Variants in RMDN1 observed in about 807,000 individuals in gnomAD.
The protein encoded by RMDN1 is regulator of microtubule dynamics protein 1.
RMDN1 carries 48 observed loss-of-function variants against 48.9 expected under a neutral mutation model. That is an observed-to-expected ratio of 0.98 (90% CI 0.78 to 1.25). The LOEUF (loss-of-function observed/expected upper bound fraction) is 1.25. RMDN1 is among the 50% of genes most tolerant of loss of function. The pLI, the probability that RMDN1 is intolerant of heterozygous loss-of-function variation, is 0.00. For synonymous variants in RMDN1, 148 were observed against 132.6 expected, an observed-to-expected ratio of 1.12 and a Z score of -0.80; for missense variants, 418 against 373.4, an observed-to-expected ratio of 1.12 and a Z score of -0.98.
intron 9 of RMDN1, 152 bp from the exon 10 acceptor site, chr8:86,474,510 T>G: frequency 1.4e-6 from 1 of 698,212 alleles, no homozygotes; most frequent in Non-Finnish European, 2.5e-6. Context: ...CAGATGAGAC[T>G]CTCAGCTCTT....
chr8:86,486,415 A>G lies in RMDN1; in HGVS notation c.495+69T>C. ...AGAAATTGTTCTTCCAATGTAAATC[A>G]GAGATAATAGAAAAATATAGAAAAT... is the stretch of plus-strand genomic sequence containing the variant. On this transcript the variant is annotated intron_variant, in intron 4 of 9. Transcript: ENST00000406452. 5 of 1,118,228 alleles carry G rather than the reference A, an allele frequency of 4.5e-6. No homozygotes were observed. The Admixed American group carries it at 1.5e-4, about 34-fold the overall frequency. 69.3% of individuals were successfully genotyped at this position (1,118,228 alleles called of 1,614,324 possible).
upstream of RMDN1, among the ~76,000 whole-genome samples, chr8:86,510,565 C>T (rs918301377): frequency 2.0e-5 from 3 of 152,144 alleles, no homozygotes; most frequent in African/African-American, 7.2e-5. Context: ...TCCTTCAGCC[C>T]GTCAGGCCAT....
At chr8:86,488,115 G>A (rs561111291) in intron 3 of RMDN1, among the ~76,000 whole-genome samples, 173 of 152,216 alleles carry the variant, frequency 1.1e-3, no homozygotes, top group Admixed American at 3.5e-3. Flanking sequence ...TGGTTTCTCT[G>A]AAAGACTATC....
intron 2 of RMDN1, among the ~76,000 whole-genome samples, chr8:86,503,263 A>AATGGCTAGAACCTGGAAGGC (rs1818584325): frequency 6.6e-6 from 1 of 151,896 alleles, no homozygotes; most frequent in Non-Finnish European, 1.5e-5. Flanking sequence ...GAGGCAGGAG[A>AATGGCTAGAACCTGGAAGGC]ATGGCTAGAA....
chr8:86,508,866 G>T, upstream of RMDN1: 2 of 1,139,116 alleles, frequency 1.8e-6, no homozygotes, highest in South Asian at 3.8e-5. Context: ...GACTGAGGCC[G>T]TGAGAGCGCT....
rs71574272 is a variant in RMDN1, at chr8:86,492,651, TTAATAATAA to T, written c.248-4021_248-4013del. The stretch of plus-strand genomic sequence containing the variant: ...CTGGGGTACAGAGCAAGACTCCGCC[TTAATAATAA>T]TAATAATAATAATAATAATAATAAT... On this transcript the variant is annotated intron_variant, in intron 2 of 9. Coordinates refer to ENST00000406452, the MANE Select transcript of RMDN1 (RefSeq NM_016033.3). Among the ~76,000 whole-genome samples the T allele has an allele frequency of 6.7e-3, 967 of 144,256 alleles. 2 individuals carry two copies. Among genetic ancestry groups the T allele is most frequent in the African/African-American group, 0.011 (440 of 38,604 alleles). The allele number at this position is 144,256 out of a possible 152,430, so 94.6% of individuals were successfully genotyped here. A position where few individuals can be genotyped will look rare whatever the true frequency, so the allele number is the denominator to read the frequency against.
At chr8:86,508,468 C>T in intron 1 of RMDN1, 24 bp downstream of exon 1, 1 of 1,536,852 alleles carries the variant, frequency 6.5e-7, no homozygotes, top group Admixed American at 2.0e-5. Flanking sequence ...AAGTGAGGAG[C>T]GGGAGCCAGG....
intron 3 of RMDN1, among the ~76,000 whole-genome samples, chr8:86,487,374 C>A (rs769953017): frequency 1.3e-5 from 2 of 152,132 alleles, no homozygotes; most frequent in African/African-American, 4.8e-5. Flanking sequence ...GAGGCCAAGG[C>A]GGGCAGATCA....
upstream of RMDN1, among the ~76,000 whole-genome samples, chr8:86,510,470 A>G (rs956918504): frequency 6.6e-6 from 1 of 152,022 alleles, no homozygotes; most frequent in Non-Finnish European, 1.5e-5. Context: ...CTTTCACGAC[A>G]TTAGTATTTT....
chr8:86,500,805 A>G (rs13249177), intron 2 of RMDN1, among the ~76,000 whole-genome samples: 40,250 of 152,118 alleles, frequency 0.26, 6,214 homozygotes, highest in East Asian at 0.53. Context: ...ATGCCCATCA[A>G]TGGTGAACTG....
chr8:86,508,693 A>T, upstream of RMDN1: 1 of 1,403,710 alleles, frequency 7.1e-7, no homozygotes, highest in Non-Finnish European at 9.2e-7. Flanking sequence ...AAGGAGATTC[A>T]ATCCTTCCGG....
chr8:86,503,981 C>T (rs1818847466), intron 2 of RMDN1: 2 of 772,282 alleles, frequency 2.6e-6, no homozygotes, highest in Non-Finnish European at 4.8e-6. Context: ...GGACTGTGCA[C>T]AGGTTTTATG....
chr8:86,482,806 A>C, intron 5 of RMDN1: 1 of 978,776 alleles, frequency 1.0e-6, no homozygotes, highest in Non-Finnish European at 1.7e-6. Context: ...AGAACCCAAA[A>C]TGGAGACGGA....
chr8:86,471,281 AAAAC>A (rs1009208243), downstream of RMDN1, among the ~76,000 whole-genome samples: 1 of 152,072 alleles, frequency 6.6e-6, no homozygotes, highest in South Asian at 2.1e-4. Context: ...GATCTCACAA[AAAAC>A]AAACAACTAA....
chr8:86,511,030 T>C (rs1820025164), upstream of RMDN1, among the ~76,000 whole-genome samples: 1 of 152,120 alleles, frequency 6.6e-6, no homozygotes, highest in Non-Finnish European at 1.5e-5. Flanking sequence ...CTGCATGTAG[T>C]GGTGCATGCT....
chr8:86,499,452 G>A lies in RMDN1; in HGVS notation c.247+7543C>T, dbSNP rs1042140253. On this transcript the variant is annotated intron_variant, in intron 2 of 9. Transcript: ENST00000406452. ...CCAAGCTGAGAGCCAAATAAAAAACGCAACCCCATTCATAAGAGCCACAAA... is the reference window on the plus strand; with the variant it reads ...CCAAGCTGAGAGCCAAATAAAAAACACAACCCCATTCATAAGAGCCACAAA... Among the ~76,000 whole-genome samples, 8 of 152,032 alleles carry A rather than the reference G, an allele frequency of 5.3e-5. No individual in the cohort carries two copies. In the South Asian group the frequency reaches 6.2e-4, roughly 12 times the overall value.
At chr8:86,492,039 A>G (rs1231637881) in intron 2 of RMDN1, among the ~76,000 whole-genome samples, 1 of 152,208 alleles carries the variant, frequency 6.6e-6, no homozygotes, top group Non-Finnish European at 1.5e-5. Context: ...GCAACAGTGC[A>G]ACCAAAAATG....
At chr8:86,477,428 G>A (rs1371350776) in intron 7 of RMDN1, 104 bp from the exon 8 acceptor site, 3 of 893,608 alleles carry the variant, frequency 3.4e-6, no homozygotes, top group African/African-American at 1.7e-5. Flanking sequence ...ATTTAAGTCA[G>A]GAAGTAAATC....
Position 86,484,317 on chromosome 8 carries a change from A to AGT in RMDN1, c.585+553_585+554dup, listed in dbSNP as rs200966735. Reference sequence around the variant, plus strand: ...GGTAAGAGGCCATCTTGGACACTGTAGTCTCAGCTGAGGGCCCAGGTGAAT... The same window carrying AGT: ...GGTAAGAGGCCATCTTGGACACTGTAGTGTCTCAGCTGAGGGCCCAGGTGAAT... On this transcript the variant is annotated intron_variant, in intron 5 of 9. Transcript: ENST00000406452. 1.9e-3 allele frequency among the ~76,000 whole-genome samples: 273 copies of AGT among 142,524 alleles called. 4 individuals are homozygous for AGT. The highest frequency in any genetic ancestry group is 6.4e-3 in the African/African-American group (254 of 39,572). 93.5% of individuals were successfully genotyped at this position (142,524 alleles called of 152,430 possible).
Sources: allele counts gnomAD v4.1 joint callset (sites outside exome capture counted in the v4.1 genomes callset), GRCh38; gene constraint gnomAD v4.1.1; transcripts MANE v1.5; gene names NCBI Gene and HGNC (gene_info 2026-07-23, HGNC 2026-07-21).